Variants in PEPD observed in about 807,000 individuals in gnomAD.
PEPD encodes xaa-Pro dipeptidase.
In PEPD, 53 loss-of-function variants were observed where a neutral mutation model predicts 60.7. The ratio of observed to expected loss-of-function variants is 0.87; its 90% CI spans 0.70 to 1.10. The LOEUF (loss-of-function observed/expected upper bound fraction) is 1.10. Among genes scored for constraint, PEPD ranks in the 50% least tolerant of loss-of-function variants. PEPD has a pLI of 0.00. For synonymous variants in PEPD, 267 were observed against 284.1 expected, an observed-to-expected ratio of 0.94 and a Z score of 0.60; for missense variants, 711 against 711.9, an observed-to-expected ratio of 1.00 and a Z score of 0.01.
intron 6 of PEPD, among the ~76,000 whole-genome samples, chr19:33,482,896 C>A (rs2145305274): frequency 6.6e-6 from 1 of 152,270 alleles, no homozygotes; most frequent in East Asian, 1.9e-4. Context: ...AAGATATAAA[C>A]AAGAAATTAA....
chr19:33,456,414 C>T (rs2145259222), intron 9 of PEPD, among the ~76,000 whole-genome samples: 1 of 152,312 alleles, frequency 6.6e-6, no homozygotes, highest in Non-Finnish European at 1.5e-5. Context: ...GACTCAAGGA[C>T]TGCCCTCCTA....
At chr19:33,448,943 T>C (rs1212873465) in intron 9 of PEPD, among the ~76,000 whole-genome samples, 1 of 152,224 alleles carries the variant, frequency 6.6e-6, no homozygotes, top group Non-Finnish European at 1.5e-5. Flanking sequence ...GCCACCAGTA[T>C]ATAAACTCTG....
chr19:33,393,073 C>T (rs559053488), intron 12 of PEPD, among the ~76,000 whole-genome samples: 2 of 150,500 alleles, frequency 1.3e-5, no homozygotes, highest in African/African-American at 4.9e-5. Context: ...CCAGACCTGC[C>T]CCCACCCCCC....
intron 1 of PEPD, among the ~76,000 whole-genome samples, chr19:33,514,450 C>T (rs551049266): frequency 1.5e-4 from 23 of 152,072 alleles, no homozygotes; most frequent in South Asian, 4.2e-4. Context: ...CGACCTTTTC[C>T]GGATGGTCTT....
chr19:33,478,025 G>A, intron 7 of PEPD, 21 bp downstream of exon 7: 1 of 1,586,194 alleles, frequency 6.3e-7, no homozygotes, highest in Non-Finnish European at 8.7e-7. Context: ...AACAGGCAAG[G>A]TGACCACAGG....
chr19:33,486,708 C>T (rs1211460489), intron 6 of PEPD, among the ~76,000 whole-genome samples: 1 of 152,170 alleles, frequency 6.6e-6, no homozygotes, highest in African/African-American at 2.4e-5. Context: ...CCAAATGGGA[C>T]AGACCCCAGG....
intron 9 of PEPD, among the ~76,000 whole-genome samples, chr19:33,455,295 C>T (rs181627980): frequency 1.8e-3 from 272 of 152,182 alleles, no homozygotes; most frequent in Non-Finnish European, 2.9e-3. Context: ...GTGACTTTTC[C>T]GTAATCCAAA....
chr19:33,414,474 G>A (rs1207589571), intron 9 of PEPD, among the ~76,000 whole-genome samples: 2 of 152,192 alleles, frequency 1.3e-5, no homozygotes, highest in African/African-American at 4.8e-5. Context: ...GCTGGTGAGG[G>A]GTGTGGTCGT....
At chr19:33,392,806 G>C (rs1027788199) in intron 12 of PEPD, among the ~76,000 whole-genome samples, 2 of 152,194 alleles carry the variant, frequency 1.3e-5, no homozygotes, top group East Asian at 3.9e-4. Flanking sequence ...TGTGGCTGGC[G>C]GAGGGCAGAT....
rs1413856292 is a variant in PEPD at position 33,442,168 on chromosome 19, G to A, written c.671+20827C>T. On this transcript the variant is annotated intron_variant, in intron 9 of 14. Transcript: ENST00000244137. The stretch of plus-strand genomic sequence containing the variant: ...AATCCCAGCACTTTAGGAGGCCGAG[G>A]TGGGTGGATTACCTGAGGTCAGGAG... Among the ~76,000 whole-genome samples, 2 of 152,240 alleles carry A rather than the reference G, an allele frequency of 1.3e-5. 1 individual carries two copies. Among genetic ancestry groups the A allele is most frequent in the African/African-American group, 4.8e-5 (2 of 41,462 alleles).
intron 9 of PEPD, among the ~76,000 whole-genome samples, chr19:33,456,283 C>G (rs945507643): frequency 6.6e-5 from 10 of 152,144 alleles, no homozygotes; most frequent in African/African-American, 2.4e-4. Context: ...GACGGGCACA[C>G]AGGACCTGCC....
chr19:33,465,786 C>A (rs76695975), intron 7 of PEPD, among the ~76,000 whole-genome samples: 8 of 152,096 alleles, frequency 5.3e-5, no homozygotes, highest in Non-Finnish European at 8.8e-5. Context: ...CACTCTGTTA[C>A]ACTCACCCCC....
At chr19:33,481,931 G>A (rs2145303949) in intron 6 of PEPD, among the ~76,000 whole-genome samples, 1 of 152,074 alleles carries the variant, frequency 6.6e-6, no homozygotes, top group South Asian at 2.1e-4. Context: ...TGAGGCAGGA[G>A]AATCACATGG....
At chr19:33,449,621 C>T (rs1333948858) in intron 9 of PEPD, among the ~76,000 whole-genome samples, 2 of 152,086 alleles carry the variant, frequency 1.3e-5, no homozygotes, top group Non-Finnish European at 2.9e-5. Context: ...CTAACAGCCC[C>T]GGATCACATC....
chr19:33,434,414 T>G (rs1969335874), intron 9 of PEPD, among the ~76,000 whole-genome samples: 1 of 152,268 alleles, frequency 6.6e-6, no homozygotes, highest in Non-Finnish European at 1.5e-5. Flanking sequence ...ATCTCTGTTT[T>G]CTGCTTTTTT....
intron 9 of PEPD, among the ~76,000 whole-genome samples, chr19:33,457,043 C>T (rs78068511): frequency 0.039 from 5,869 of 149,926 alleles, 166 homozygotes; most frequent in East Asian, 0.077. Context: ...AACACAGCCT[C>T]GTGTAGCCCC....
chr19:33,482,420 T>C (rs1441813999), intron 6 of PEPD, among the ~76,000 whole-genome samples: 2 of 152,214 alleles, frequency 1.3e-5, no homozygotes, highest in Admixed American at 6.5e-5. Flanking sequence ...CTCAATGAAC[T>C]AGGGAGGGAA....
chr19:33,457,418 G>A (rs776451375), intron 9 of PEPD, among the ~76,000 whole-genome samples: 38 of 152,128 alleles, frequency 2.5e-4, no homozygotes, highest in Non-Finnish European at 4.6e-4. Context: ...GCGGCCCCAC[G>A]CCCCCTGCAG....
intron 6 of PEPD, among the ~76,000 whole-genome samples, chr19:33,478,819 A>G (rs1215208409): frequency 1.3e-5 from 2 of 152,234 alleles, no homozygotes; most frequent in Non-Finnish European, 2.9e-5. Context: ...AGAAAAACCA[A>G]AGGGAATTGT....
Sources: allele counts gnomAD v4.1 joint callset (sites outside exome capture counted in the v4.1 genomes callset), GRCh38; gene constraint gnomAD v4.1.1; transcripts MANE v1.5; gene names NCBI Gene and HGNC (gene_info 2026-07-23, HGNC 2026-07-21).